Variants in NOL4 observed in about 807,000 individuals in gnomAD.
NOL4 encodes the protein nucleolar protein 4.
A neutral mutation model predicts 75.9 loss-of-function variants in NOL4; 17 were observed. The observed-to-expected ratio is 0.22, with a 90% CI of 0.15 to 0.34. The LOEUF is 0.34. Among genes scored for constraint, NOL4 ranks in the 10% least tolerant of loss-of-function variants. The pLI, the probability that NOL4 is intolerant of heterozygous loss-of-function variation, is 1.00. For synonymous variants in NOL4, 292 were observed against 289.9 expected (o/e 1.01, Z -0.07); for missense variants, 614 against 793.5 (o/e 0.77, Z 2.72).
chr18:33,885,759 T>G lies in NOL4; in HGVS notation c.1543-2335A>C, dbSNP rs770971669. Among the ~76,000 whole-genome samples, 152 of 152,158 alleles carry G rather than the reference T, an allele frequency of 1.0e-3. 1 individual carries two copies. Among genetic ancestry groups the G allele is most frequent in the Admixed American group, 3.1e-3 (48 of 15,264 alleles). The stretch of plus-strand genomic sequence containing the variant: ...AGTACAACCAATATGGAGAACAGTT[T>G]GGAGGTTCCTCAAAAATCTAAAAAT... On this transcript the variant is annotated intron_variant, in intron 9 of 10. Transcript: ENST00000261592.
At chr18:34,194,447 G>A (rs2035165276) in intron 1 of NOL4, among the ~76,000 whole-genome samples, 1 of 145,716 alleles carries the variant, frequency 6.9e-6, no homozygotes, top group African/African-American at 2.5e-5. Context: ...AAGGAAGGAA[G>A]GAAGGAAGGA....
In NOL4 at chr18:33,998,961, C is replaced by T. The variant is rs192393703; in HGVS notation, c.1056+20357G>A. On this transcript the variant is annotated intron_variant, in intron 6 of 10. Coordinates refer to ENST00000261592, the MANE Select transcript of NOL4 (RefSeq NM_003787.5). ...TAAAAAACAATGTGGAGAGAGAAGA[C>T]AATGACAGTTTTCTTAAACTGCTTG... is the stretch of plus-strand genomic sequence containing the variant. Among the ~76,000 whole-genome samples, 272 of 152,170 alleles carry T rather than the reference C, an allele frequency of 1.8e-3. 2 individuals are homozygous for T. The highest frequency in any genetic ancestry group is 6.8e-3 in the Middle Eastern group (2 of 294).
At chr18:34,146,463 C>A (rs2081395613) in intron 1 of NOL4, among the ~76,000 whole-genome samples, 1 of 152,130 alleles carries the variant, frequency 6.6e-6, no homozygotes, top group South Asian at 2.1e-4. Flanking sequence ...GTTTTCCCAA[C>A]ATCATTTATT....
intron 5 of NOL4, among the ~76,000 whole-genome samples, chr18:34,035,708 A>G (rs1405884651): frequency 1.3e-5 from 2 of 152,058 alleles, no homozygotes; most frequent in African/African-American, 2.4e-5. Flanking sequence ...TTCTTAAAAA[A>G]TAAACAAAAC....
chr18:33,958,879 T>C (rs970631890), intron 6 of NOL4, among the ~76,000 whole-genome samples: 2 of 152,134 alleles, frequency 1.3e-5, no homozygotes, highest in African/African-American at 4.8e-5. Flanking sequence ...TATGCTAACT[T>C]TATTAGTATT....
chr18:34,093,391 AGTT>A (rs2078617388), intron 5 of NOL4, 71 bp downstream of exon 5: 3 of 1,364,334 alleles, frequency 2.2e-6, no homozygotes, highest in Admixed American at 4.8e-5. Context: ...ATTAAGAGGT[AGTT>A]GTTGTTTCCA....
intron 8 of NOL4, among the ~76,000 whole-genome samples, chr18:33,944,340 G>T (rs1467033896): frequency 6.6e-6 from 1 of 151,802 alleles, no homozygotes; most frequent in East Asian, 1.9e-4. Context: ...TGAACACAGG[G>T]CTTACATCTC....
intron 1 of NOL4, among the ~76,000 whole-genome samples, chr18:34,205,564 A>G (rs1157544177): frequency 6.6e-6 from 1 of 152,100 alleles, no homozygotes; most frequent in African/African-American, 2.4e-5. Context: ...AGTTCATCCC[A>G]TGAACTCTTG....
chr18:34,154,935 C>T (rs570521251), intron 1 of NOL4, among the ~76,000 whole-genome samples: 6 of 151,968 alleles, frequency 3.9e-5, no homozygotes, highest in Non-Finnish European at 5.9e-5. Context: ...GTTATTTAGA[C>T]GCCCTCTTTT....
intron 5 of NOL4, among the ~76,000 whole-genome samples, chr18:34,071,043 G>C (rs1188461275): frequency 6.6e-6 from 1 of 151,976 alleles, no homozygotes; most frequent in East Asian, 1.9e-4. Flanking sequence ...GCATAGCAGG[G>C]GTGACAATAG....
intron 6 of NOL4, among the ~76,000 whole-genome samples, chr18:33,989,219 A>G (rs1442428239): frequency 3.8e-5 from 5 of 132,364 alleles, no homozygotes; most frequent in African/African-American, 2.9e-5. Flanking sequence ...AAAAAAAAAA[A>G]TCATTGGCAA....
intron 1 of NOL4, among the ~76,000 whole-genome samples, chr18:34,138,893 T>C (rs551609660): frequency 3.3e-5 from 5 of 152,354 alleles, no homozygotes; most frequent in Non-Finnish European, 7.3e-5. Context: ...TGAAGGGCTG[T>C]TGAATTTTAT....
intron 9 of NOL4, among the ~76,000 whole-genome samples, chr18:33,925,378 T>TA (rs1014287135): frequency 1.3e-5 from 2 of 152,088 alleles, no homozygotes; most frequent in Non-Finnish European, 2.9e-5. Context: ...TCTTGTATTT[T>TA]AAAAAAACTA....
chr18:34,174,272 T>C (rs1420322797), intron 1 of NOL4, among the ~76,000 whole-genome samples: 1 of 150,760 alleles, frequency 6.6e-6, no homozygotes, highest in East Asian at 2.0e-4. Flanking sequence ...TCAGTGAAAA[T>C]GGCAGAGAAA....
At chr18:33,868,490 A>G (rs1202383381) in intron 10 of NOL4, among the ~76,000 whole-genome samples, 1 of 152,084 alleles carries the variant, frequency 6.6e-6, no homozygotes, top group African/African-American at 2.4e-5. Flanking sequence ...CAATATCCCA[A>G]AGGGAAGGTA....
At chr18:34,169,472 A>C (rs979704929) in intron 1 of NOL4, among the ~76,000 whole-genome samples, 5 of 151,846 alleles carry the variant, frequency 3.3e-5, no homozygotes, top group African/African-American at 1.2e-4. Context: ...ACAGGAAAAA[A>C]AAAAAAAACA....
At chr18:34,091,638 G>A (rs12185438) in intron 5 of NOL4, among the ~76,000 whole-genome samples, 73,414 of 151,902 alleles carry the variant, frequency 0.48, 17,991 homozygotes, top group Admixed American at 0.53. Flanking sequence ...CAGCAGAAAC[G>A]GAAAAAGACA....
rs183010473 is a variant in NOL4 at position 34,021,869 on chromosome 18, G to A, written c.773-2268C>T. ...GGTGGCTCATGCACTTTGGGAGGCC[G>A]AGGTGGGTGGATCACCTGAGGTCAG... On this transcript the variant is annotated intron_variant, in intron 5 of 10. Transcript: ENST00000261592. Among the ~76,000 whole-genome samples the A allele has an allele frequency of 1.2e-3, 188 of 152,144 alleles. 3 individuals are homozygous for A. Among genetic ancestry groups the A allele is most frequent in the East Asian group, 1.9e-4 (1 of 5,162 alleles).
intron 1 of NOL4, among the ~76,000 whole-genome samples, chr18:34,137,368 A>G (rs1439639114): frequency 6.6e-6 from 1 of 152,204 alleles, no homozygotes; most frequent in East Asian, 1.9e-4. Context: ...CAAATGGGAG[A>G]AAATATTTGG....
Sources: allele counts gnomAD v4.1 joint callset (sites outside exome capture counted in the v4.1 genomes callset), GRCh38; gene constraint gnomAD v4.1.1; transcripts MANE v1.5; gene names NCBI Gene and HGNC (gene_info 2026-07-23, HGNC 2026-07-21).